The following BNC1 variants were observed in gnomAD, a reference collection of about 807,000 sequenced individuals.
BNC1 encodes zinc finger protein basonuclin-1.
Under a neutral mutation model 66.5 loss-of-function variants are expected in BNC1, and 8 were observed. The ratio of observed to expected loss-of-function variants is 0.12; its 90% CI spans 0.07 to 0.22. The LOEUF (loss-of-function observed/expected upper bound fraction) is 0.22. BNC1 is among the 10% of genes least tolerant of loss of function. BNC1 has a pLI of 1.00. For synonymous variants in BNC1, 454 were observed against 452.6 expected, an observed-to-expected ratio of 1.00 and a Z score of -0.04; for missense variants, 1,069 against 1,241.3, an observed-to-expected ratio of 0.86 and a Z score of 2.09.
intron 4 of BNC1, among the ~76,000 whole-genome samples, chr15:83,259,712 T>C (rs2151434292): frequency 6.6e-6 from 1 of 152,320 alleles, no homozygotes; most frequent in African/African-American, 2.4e-5. Context: ...AGGTCCCTAC[T>C]GGAACAAAGC....
chr15:83,273,948 G>A (rs1323726523), intron 1 of BNC1, among the ~76,000 whole-genome samples: 1 of 152,158 alleles, frequency 6.6e-6, no homozygotes, highest in Non-Finnish European at 1.5e-5. Context: ...TTCATCTCTA[G>A]TATGTGCATA....
chr15:83,283,317 G>A (rs568924294), intron 1 of BNC1: 3 of 1,486,122 alleles, frequency 2.0e-6, no homozygotes, highest in South Asian at 1.3e-5. Context: ...GAGGAACTCC[G>A]GCAAAGCCAG....
At chr15:83,261,670 A>G (rs1001690093) in intron 4 of BNC1, among the ~76,000 whole-genome samples, 1 of 152,226 alleles carries the variant, frequency 6.6e-6, no homozygotes, top group African/African-American at 2.4e-5. Flanking sequence ...CAGTAACACC[A>G]CTGCTATCCC....
At chr15:83,276,228 G>C (rs996928481) in intron 1 of BNC1, among the ~76,000 whole-genome samples, 4 of 152,182 alleles carry the variant, frequency 2.6e-5, no homozygotes, top group Non-Finnish European at 5.9e-5. Context: ...CAACAAGTAA[G>C]TTCTTCGGTC....
chr15:83,258,448 G>A (rs1433222341), intron 4 of BNC1, among the ~76,000 whole-genome samples: 1 of 152,200 alleles, frequency 6.6e-6, no homozygotes, highest in Non-Finnish European at 1.5e-5. Flanking sequence ...CTGTTTCAGA[G>A]CTACTGGTTT....
At chr15:83,271,825 A>G (rs2038272146) in intron 1 of BNC1, among the ~76,000 whole-genome samples, 1 of 152,250 alleles carries the variant, frequency 6.6e-6, no homozygotes, top group Non-Finnish European at 1.5e-5. Flanking sequence ...TTGCATATAC[A>G]CATACAAATG....
Position 83,263,144 on chromosome 15 carries a change from G to C in BNC1, c.2107C>G (p.Leu703Val), listed in dbSNP as rs372893614. Residue 703 changes from leucine to valine, a missense_variant, in exon 4 of 5, where the codon CTG becomes GTG. Coordinates refer to ENST00000345382, the MANE Select transcript of BNC1 (RefSeq NM_001717.4). ...AFPCLEDSKE[L>V]EHVGQHALAR... is the part of the protein sequence containing the mutation. ...AATGCATGCTGACCCACGTGCTCCAGTTCTTTAGAATCTTCAAGACAAGGA... is the reference window on the plus strand; with the variant it reads ...AATGCATGCTGACCCACGTGCTCCACTTCTTTAGAATCTTCAAGACAAGGA... 11 of 1,614,092 alleles carry C rather than the reference G, an allele frequency of 6.8e-6. No homozygotes were observed. In the African/African-American group the frequency reaches 1.2e-4, roughly 18 times the overall value.
At chr15:83,273,915 A>G (rs1346061607) in intron 1 of BNC1, among the ~76,000 whole-genome samples, 1 of 152,160 alleles carries the variant, frequency 6.6e-6, no homozygotes, top group Non-Finnish European at 1.5e-5. Flanking sequence ...CTCAGAATAA[A>G]AACTGTTTAG....
chr15:83,263,334 T>A lies in BNC1; in HGVS notation c.1917A>T (p.Thr639=). The A allele has an allele frequency of 1.2e-6, 2 of 1,614,214 alleles. No homozygotes were observed. Among genetic ancestry groups the A allele is most frequent in the Non-Finnish European group, 1.7e-6 (2 of 1,180,032 alleles). Reference sequence around the variant, plus strand: ...CCCTTGGCACCATGATCAATGCTGGTGTCTGCTCAGTCTCCCTCTCTGAAT... The same window carrying A: ...CCCTTGGCACCATGATCAATGCTGGAGTCTGCTCAGTCTCCCTCTCTGAAT... ...THNSERETEQ[T]PALIMVPREV... Residue 639 remains threonine (T), a synonymous_variant, in exon 4 of 5, where the codon ACA becomes ACT. Coordinates refer to ENST00000345382, the MANE Select transcript of BNC1 (RefSeq NM_001717.4).
chr15:83,262,983 A>G lies in BNC1; in HGVS notation c.2268T>C (p.Asn756=), dbSNP rs775668353. The change falls in exon 4 of 5, where the codon AAT becomes AAC. Residue 756 remains asparagine, a synonymous_variant. Transcript: ENST00000345382. The stretch of plus-strand genomic sequence containing the variant: ...TGCTCCTGCGGGAGGGAAAGGTAGC[A>G]TTACAGCCCTCCACTGTGCATGTGT... ...EMHTCTVEGC[N]ATFPSRRSRD... 2.5e-6 allele frequency: 4 copies of G among 1,612,414 alleles called. No homozygotes were observed. Among genetic ancestry groups the G allele is most frequent in the East Asian group, 4.5e-5 (2 of 44,858 alleles).
chr15:83,269,532 A>C (rs139663867), intron 1 of BNC1, among the ~76,000 whole-genome samples: 1 of 152,144 alleles, frequency 6.6e-6, no homozygotes, highest in Non-Finnish European at 1.5e-5. Flanking sequence ...GTGGCCCTGC[A>C]TGGGGGAGAG....
chr15:83,268,280 G>A (rs1202834183), intron 1 of BNC1, 48 bp from the exon 2 acceptor site: 2 of 1,477,096 alleles, frequency 1.4e-6, no homozygotes, highest in Non-Finnish European at 1.9e-6. Flanking sequence ...AGTGATGTGT[G>A]AAACATTCAT....
chr15:83,266,743 G>C, intron 3 of BNC1, 93 bp downstream of exon 3: 1 of 1,099,042 alleles, frequency 9.1e-7, no homozygotes. Context: ...GCCACCAAGG[G>C]CTGTAGCATT....
chr15:83,283,081 C>A (rs1008845108), intron 1 of BNC1: 5 of 1,522,132 alleles, frequency 3.3e-6, no homozygotes, highest in Non-Finnish European at 3.5e-6. Context: ...CGCCCCCCAA[C>A]CACACACAAC....
At chr15:83,283,750 G>A (rs2038410001) in intron 1 of BNC1, among the ~76,000 whole-genome samples, 1 of 152,228 alleles carries the variant, frequency 6.6e-6, no homozygotes, top group South Asian at 2.1e-4. Flanking sequence ...ACCTCGCGCG[G>A]AGCCGCGACA....
chr15:83,257,990 G>C lies in BNC1; in HGVS notation c.2437C>G (p.Gln813Glu). The part of the protein sequence containing the change: ...EAYQDVAFTQ[Q>E]ASQTSVIFKG... ...AAGATGACAGATGTCTGGGAGGCTTGCTGTGTAAAAGCCACATCCTGATAG... is the reference window on the plus strand; with the variant it reads ...AAGATGACAGATGTCTGGGAGGCTTCCTGTGTAAAAGCCACATCCTGATAG... Residue 813 changes from glutamine (Q) to glutamate (E), a missense_variant, in exon 5 of 5, where the codon CAA becomes GAA. This residue lies in a region of BNC1 where 657 missense variants were observed against 715.8 expected (regional missense o/e 0.92). Transcript: ENST00000345382. 1 of 1,614,182 alleles carries C rather than the reference G, an allele frequency of 6.2e-7. No individual in the cohort carries two copies. The highest frequency in any genetic ancestry group is 8.5e-7 in the Non-Finnish European group (1 of 1,180,020).
At chr15:83,273,522 CATCTT>C (rs556086831) in intron 1 of BNC1, among the ~76,000 whole-genome samples, 262 of 152,294 alleles carry the variant, frequency 1.7e-3, no homozygotes, top group African/African-American at 6.1e-3. Context: ...TTAATGCACT[CATCTT>C]AATCAGACTA....
chr15:83,259,428 G>A (rs2038118199), intron 4 of BNC1, among the ~76,000 whole-genome samples: 1 of 152,180 alleles, frequency 6.6e-6, no homozygotes. Context: ...GCTTACTTAT[G>A]TTTTATAAAA....
intron 3 of BNC1, among the ~76,000 whole-genome samples, chr15:83,265,631 C>T (rs916311138): frequency 6.6e-6 from 1 of 152,180 alleles, no homozygotes; most frequent in African/African-American, 2.4e-5. Flanking sequence ...TGCTACTCTA[C>T]ATAAACGGTT....
Sources: allele counts gnomAD v4.1 joint callset (sites outside exome capture counted in the v4.1 genomes callset), GRCh38; gene constraint gnomAD v4.1.1; regional missense constraint gnomAD v4.1.1; transcripts MANE v1.5; gene names NCBI Gene and HGNC (gene_info 2026-07-23, HGNC 2026-07-21).